CRACD: variants seen among roughly 807,000 people sequenced by gnomAD.
The protein encoded by CRACD is capping protein-inhibiting regulator of actin dynamics.
CRACD carries 56 observed loss-of-function variants against 106.8 expected under a neutral mutation model. The observed-to-expected ratio is 0.52, with a 90% confidence interval of 0.42 to 0.66. The LOEUF is 0.66. CRACD is among the 30% of genes least tolerant of loss of function. CRACD has a pLI of 0.00. For synonymous variants in CRACD, 754 were observed against 670.8 expected, an observed-to-expected ratio of 1.12 and a Z score of -1.92; for missense variants, 1,730 against 1,623.2, an observed-to-expected ratio of 1.07 and a Z score of -1.13.
At chr4:56,189,146 A>G (rs1317879979) in intron 2 of CRACD, among the ~76,000 whole-genome samples, 1 of 151,880 alleles carries the variant, frequency 6.6e-6, no homozygotes, top group Admixed American at 6.6e-5. Flanking sequence ...TAATGCCATT[A>G]CACTGTAGCC....
Position 56,229,149 on chromosome 4 carries a change from C to T in CRACD, c.-188-43172C>T, listed in dbSNP as rs77434292. Among the ~76,000 whole-genome samples, 613 of 152,216 alleles carry T rather than the reference C, an allele frequency of 4.0e-3. 4 individuals carry two copies. The highest frequency in any genetic ancestry group is 0.014 in the African/African-American group (572 of 41,540). On this transcript the variant is annotated intron_variant, in intron 2 of 10. Transcript: ENST00000682029. ...GGGAAGTTAAACAGCAGAGACAGCT[C>T]GTTTCAGTAGCACAGTGGGGTGGTT...
At chr4:56,067,128 G>A (rs989199408) in intron 1 of CRACD, among the ~76,000 whole-genome samples, 1 of 152,028 alleles carries the variant, frequency 6.6e-6, no homozygotes, top group Non-Finnish European at 1.5e-5. Context: ...AAGAATGGAA[G>A]TCTTCTTCTA....
chr4:56,145,132 AT>A (rs1207799801), intron 1 of CRACD, among the ~76,000 whole-genome samples: 1 of 152,154 alleles, frequency 6.6e-6, no homozygotes, highest in Non-Finnish European at 1.5e-5. Flanking sequence ...TAGAGCTTAC[AT>A]CCAATTTTCT....
intron 1 of CRACD, among the ~76,000 whole-genome samples, chr4:56,073,578 A>C (rs540646582): frequency 7.2e-5 from 11 of 152,014 alleles, no homozygotes; most frequent in Non-Finnish European, 1.5e-4. Context: ...ATTTGTTCTA[A>C]GTTCCTTGTA....
intron 1 of CRACD, among the ~76,000 whole-genome samples, chr4:56,111,083 T>C (rs529592527): frequency 7.9e-5 from 12 of 151,816 alleles, no homozygotes; most frequent in African/African-American, 2.7e-4. Flanking sequence ...AAAAGGAAAA[T>C]AGTATACCAC....
intron 2 of CRACD, among the ~76,000 whole-genome samples, chr4:56,265,839 C>A (rs1423135987): frequency 6.6e-6 from 1 of 152,066 alleles, no homozygotes; most frequent in Non-Finnish European, 1.5e-5. Context: ...GAAGCATATC[C>A]TAGAAATCCA....
chr4:56,087,866 C>T (rs1733282712), intron 1 of CRACD, among the ~76,000 whole-genome samples: 1 of 152,118 alleles, frequency 6.6e-6, no homozygotes, highest in Non-Finnish European at 1.5e-5. Flanking sequence ...ATCACTCTTT[C>T]TTCTCCTCCT....
Position 56,179,383 on chromosome 4 carries a change from T to G in CRACD, c.-236T>G, listed in dbSNP as rs1736717583. On this transcript the variant is annotated 5_prime_UTR_variant, in exon 2 of 11. Transcript: ENST00000682029. ...TTTCCCTTTTGCAAGGAGAAAATTT[T>G]GGTGGAGAATTATCCAACAAGAAAA... 1 of 152,214 alleles carries G rather than the reference T, an allele frequency of 6.6e-6. No individual in the cohort carries two copies. Among genetic ancestry groups the G allele is most frequent in the South Asian group, 2.1e-4 (1 of 4,830 alleles). 9.4% of individuals were successfully genotyped at this position (152,214 alleles called of 1,614,324 possible).
intron 1 of CRACD, among the ~76,000 whole-genome samples, chr4:56,127,326 C>T (rs1734691216): frequency 6.6e-6 from 1 of 152,014 alleles, no homozygotes; most frequent in Admixed American, 6.5e-5. Context: ...ACTAAGACAC[C>T]CTCATTTATA....
rs535729360 is a variant in CRACD, at chr4:56,231,662, A to G, written c.-188-40659A>G. On this transcript the variant is annotated intron_variant, in intron 2 of 10. Coordinates refer to ENST00000682029, the MANE Select transcript of CRACD (RefSeq NM_001393381.1). ...AAGTAGCAATGGTAATGAGCAGTCCACAAGCCAGATACAAAAGAGTGCATG... is the reference window on the plus strand; with the variant it reads ...AAGTAGCAATGGTAATGAGCAGTCCGCAAGCCAGATACAAAAGAGTGCATG... Among the ~76,000 whole-genome samples the G allele has an allele frequency of 1.5e-3, 222 of 152,386 alleles. 1 individual carries two copies. Among genetic ancestry groups the G allele is most frequent in the African/African-American group, 4.5e-3 (187 of 41,604 alleles).
chr4:56,225,906 A>C (rs1739275091), intron 2 of CRACD, among the ~76,000 whole-genome samples: 1 of 152,248 alleles, frequency 6.6e-6, no homozygotes, highest in African/African-American at 2.4e-5. Context: ...TGGAAGTCAC[A>C]TCTTCAAGCT....
chr4:56,209,533 T>A (rs1021449613), intron 2 of CRACD, among the ~76,000 whole-genome samples: 1 of 152,158 alleles, frequency 6.6e-6, no homozygotes, highest in Admixed American at 6.5e-5. Flanking sequence ...CCCTAGGAAG[T>A]AATTTTGAAC....
At chr4:56,120,938 A>G (rs1734462401) in intron 1 of CRACD, among the ~76,000 whole-genome samples, 1 of 152,258 alleles carries the variant, frequency 6.6e-6, no homozygotes, top group Admixed American at 6.5e-5. Flanking sequence ...TTTCACATAT[A>G]GAACACAGCA....
chr4:56,215,572 A>G (rs2109500896), intron 2 of CRACD, among the ~76,000 whole-genome samples: 1 of 152,332 alleles, frequency 6.6e-6, no homozygotes, highest in African/African-American at 2.4e-5. Context: ...CAACTGGACT[A>G]TGAGCTCTTG....
chr4:56,062,776 A>G (rs1577938249), intron 1 of CRACD, among the ~76,000 whole-genome samples: 1 of 152,168 alleles, frequency 6.6e-6, no homozygotes, highest in East Asian at 1.9e-4. Flanking sequence ...CTTCTCCTTG[A>G]AGACGGTTGC....
intron 2 of CRACD, among the ~76,000 whole-genome samples, chr4:56,233,684 A>G (rs1329903476): frequency 6.6e-6 from 1 of 152,170 alleles, no homozygotes; most frequent in Non-Finnish European, 1.5e-5. Context: ...TGGCAACTTT[A>G]GATACTTCGC....
chr4:56,267,213 C>T (rs574263988), intron 2 of CRACD, among the ~76,000 whole-genome samples: 14 of 152,068 alleles, frequency 9.2e-5, no homozygotes, highest in South Asian at 2.1e-4. Flanking sequence ...CTCTGCCTCC[C>T]GGGTTCAAGC....
intron 2 of CRACD, among the ~76,000 whole-genome samples, chr4:56,180,678 A>G (rs903573100): frequency 2.0e-5 from 3 of 152,192 alleles, no homozygotes; most frequent in African/African-American, 7.2e-5. Context: ...TACGATAACT[A>G]CCTGTTAATA....
At chr4:56,100,659 A>G (rs908848231) in intron 1 of CRACD, among the ~76,000 whole-genome samples, 2 of 152,208 alleles carry the variant, frequency 1.3e-5, no homozygotes, top group Non-Finnish European at 2.9e-5. Flanking sequence ...CTAATCCAGT[A>G]TGAGTGGTAT....
Sources: gnomAD v4.1 joint callset for allele counts (sites outside exome capture counted in the v4.1 genomes callset) on GRCh38, gnomAD v4.1.1 for gene constraint, MANE v1.5 for transcripts, NCBI Gene and HGNC (gene_info 2026-07-23, HGNC 2026-07-21) for gene names.